Variants in ATG14 observed in about 807,000 individuals in gnomAD.
ATG14 encodes the protein beclin 1-associated autophagy-related key regulator.
In ATG14, 35 loss-of-function variants were observed where a neutral mutation model predicts 60.4. That is an observed-to-expected ratio of 0.58 (90% CI 0.44 to 0.77). ATG14 has a LOEUF of 0.77. Ranked by LOEUF, ATG14 falls within the 30% of genes least tolerant of loss-of-function variation. The pLI is 0.00. For missense variants in ATG14, 647 were observed against 626.3 expected, an observed-to-expected ratio of 1.03 and a Z score of -0.35; for synonymous variants, 234 against 228.8, an observed-to-expected ratio of 1.02 and a Z score of -0.21.
At chr14:55,389,740 G>A (rs574578149) in intron 4 of ATG14, among the ~76,000 whole-genome samples, 1 of 152,182 alleles carries the variant, frequency 6.6e-6, no homozygotes, top group African/African-American at 2.4e-5. Context: ...TGCTCTTGGA[G>A]TTATTTCTAA....
intron 3 of ATG14, among the ~76,000 whole-genome samples, chr14:55,391,567 A>G (rs573614870): frequency 6.6e-6 from 1 of 152,274 alleles, no homozygotes; most frequent in African/African-American, 2.4e-5. Context: ...GTTGAAGGAC[A>G]TTCTCTAAAC....
chr14:55,406,679 T>C (rs1403574377), intron 1 of ATG14, among the ~76,000 whole-genome samples: 1 of 152,204 alleles, frequency 6.6e-6, no homozygotes, highest in Non-Finnish European at 1.5e-5. Flanking sequence ...TTTCACCTTA[T>C]TAGATACTGG....
rs368850028 is a variant in ATG14, at chr14:55,401,814, G to A, written c.222-4380C>T. ...GCTTCAGAGGCAGCCACCCAGGAGC[G>A]CTGCCTGTCCAAGCTGAGACCTGAG... On this transcript the variant is annotated intron_variant, in intron 1 of 9. Transcript: ENST00000247178. Among the ~76,000 whole-genome samples, 19 of 152,274 alleles carry A rather than the reference G, an allele frequency of 1.2e-4. 1 individual carries two copies. The highest frequency in any genetic ancestry group is 3.4e-4 in the African/African-American group (14 of 41,556).
chr14:55,381,667 G>C (rs1882472960), intron 6 of ATG14, among the ~76,000 whole-genome samples: 1 of 152,206 alleles, frequency 6.6e-6, no homozygotes, highest in African/African-American at 2.4e-5. Context: ...TATGTTCTGT[G>C]ATTCCATTTA....
chr14:55,378,967 C>G (rs1884977772), intron 7 of ATG14, among the ~76,000 whole-genome samples: 1 of 152,054 alleles, frequency 6.6e-6, no homozygotes, highest in African/African-American at 2.4e-5. Context: ...CTCAGCTTCC[C>G]AAAGTGCTGG....
intron 7 of ATG14, among the ~76,000 whole-genome samples, chr14:55,378,293 A>G (rs1162958046): frequency 3.3e-5 from 5 of 152,236 alleles, no homozygotes; most frequent in Non-Finnish European, 7.3e-5. Flanking sequence ...TGACCAAGCA[A>G]TTCCACGTCA....
chr14:55,370,046 C>T (rs1041794072), intron 9 of ATG14, 121 bp from the exon 10 acceptor site: 19 of 926,592 alleles, frequency 2.1e-5, no homozygotes, highest in Admixed American at 5.5e-5. Context: ...CCATTCATTC[C>T]CCAAGTCTAT....
chr14:55,370,986 C>T (rs1247318530), intron 9 of ATG14, among the ~76,000 whole-genome samples: 1 of 152,112 alleles, frequency 6.6e-6, no homozygotes, highest in African/African-American at 2.4e-5. Flanking sequence ...CCCCTCAGCT[C>T]CTGCTCCAGG....
At chr14:55,398,971 G>A (rs1309305492) in intron 1 of ATG14, among the ~76,000 whole-genome samples, 1 of 152,158 alleles carries the variant, frequency 6.6e-6, no homozygotes. Context: ...ATGATGTGGT[G>A]TTCAAGAATA....
chr14:55,366,691 C>CTGTT lies in ATG14; in HGVS notation c.*2924_*2927dup, dbSNP rs1254701500. ...TCTTTAACAGACCATTTTAAGCAGCCTGTTTGGTGCCTGTGGGTTTTTATT... is the reference window on the plus strand; with the variant it reads ...TCTTTAACAGACCATTTTAAGCAGCCTGTTTGTTTGGTGCCTGTGGGTTTTTATT... On this transcript the variant is annotated 3_prime_UTR_variant, in exon 10 of 10. Coordinates refer to ENST00000247178, the MANE Select transcript of ATG14 (RefSeq NM_014924.5). The CTGTT allele has an allele frequency of 6.6e-6, 1 of 152,502 alleles. No individual in the cohort carries two copies. Among genetic ancestry groups the CTGTT allele is most frequent in the African/African-American group, 2.4e-5 (1 of 41,436 alleles). 9.4% of individuals were successfully genotyped at this position (152,502 alleles called of 1,614,324 possible). A position where few individuals can be genotyped will look rare whatever the true frequency, so the allele number is the denominator to read the frequency against.
Position 55,407,408 on chromosome 14 carries a change from C to T in ATG14, c.221+4194G>A, listed in dbSNP as rs537551623. Among the ~76,000 whole-genome samples, 6 of 152,288 alleles carry T rather than the reference C, an allele frequency of 3.9e-5. No homozygotes were observed. The East Asian group carries it at 5.8e-4, about 15-fold the overall frequency. ...CCTCCCAAAGTGCTGGGATTACAGG[C>T]GTGAGCCACTGCCCCCGGCCTCATT... On this transcript the variant is annotated intron_variant, in intron 1 of 9. Coordinates refer to ENST00000247178, the MANE Select transcript of ATG14 (RefSeq NM_014924.5).
At position 55,385,960 on chromosome 14, in the gene ATG14, G is replaced by A; in HGVS notation, c.546C>T (p.Asp182=). The change falls in exon 5 of 10, where the codon GAC becomes GAT. Residue 182 remains aspartate, a synonymous_variant. Coordinates refer to ENST00000247178, the MANE Select transcript of ATG14 (RefSeq NM_014924.5). ...LGDLVEKKTI[D]LRSHYERLAN... ...CCAGACGCTCATAATGACTTCTTAA[G>A]TCAATGGTCTTTTTTTCTACCAGGT... 1 of 1,614,166 alleles carries A rather than the reference G, an allele frequency of 6.2e-7. No homozygotes were observed. The highest frequency in any genetic ancestry group is 8.5e-7 in the Non-Finnish European group (1 of 1,180,038).
intron 9 of ATG14, among the ~76,000 whole-genome samples, chr14:55,376,058 G>A (rs996972900): frequency 6.6e-6 from 1 of 152,164 alleles, no homozygotes; most frequent in Non-Finnish European, 1.5e-5. Flanking sequence ...ATCTGTTAAT[G>A]TGATGAAATA....
At chr14:55,400,849 A>G (rs1885385941) in intron 1 of ATG14, among the ~76,000 whole-genome samples, 1 of 152,012 alleles carries the variant, frequency 6.6e-6, no homozygotes. Flanking sequence ...GGTTGCAGTG[A>G]GCTGAGATTA....
Position 55,369,711 on chromosome 14 carries a change from G to C in ATG14, c.1387C>G (p.Pro463Ala). The part of the protein sequence containing the change: ...VSQSQSTQAS[P>A]PIASSSAGGM... ...CCTGCACTGCTGCTCGCGATGGGTGGGGACGCCTGGGTGCTCTGACTCTGG... is the reference window on the plus strand; with the variant it reads ...CCTGCACTGCTGCTCGCGATGGGTGCGGACGCCTGGGTGCTCTGACTCTGG... Residue 463 changes from proline to alanine, a missense_variant, in exon 10 of 10, where the codon CCA becomes GCA. Pro to Ala is a conservative substitution (Grantham distance 27, BLOSUM62 -1). Coordinates refer to ENST00000247178, the MANE Select transcript of ATG14 (RefSeq NM_014924.5). 6.2e-7 allele frequency: 1 copy of C among 1,610,894 alleles called. No homozygotes were observed. Among genetic ancestry groups the C allele is most frequent in the Non-Finnish European group, 8.5e-7 (1 of 1,177,764 alleles).
At chr14:55,396,014 TAAAAA>T in intron 2 of ATG14, 32 bp from the exon 3 acceptor site, 2 of 1,509,760 alleles carry the variant, frequency 1.3e-6, no homozygotes, top group Non-Finnish European at 1.8e-6. Flanking sequence ...AATAAGCTCT[TAAAAA>T]TAATAAAATT....
At chr14:55,379,757 C>A (rs1459119941) in intron 7 of ATG14, among the ~76,000 whole-genome samples, 1 of 152,136 alleles carries the variant, frequency 6.6e-6, no homozygotes, top group Non-Finnish European at 1.5e-5. Context: ...AGTCTCATTC[C>A]GTCACTCAGG....
At chr14:55,394,796 A>C in intron 3 of ATG14, 1 of 238,378 alleles carries the variant, frequency 4.2e-6, no homozygotes, top group Non-Finnish European at 8.3e-6. Flanking sequence ...AGTGCCATTT[A>C]GTATGCCTGG....
intron 4 of ATG14, among the ~76,000 whole-genome samples, chr14:55,390,676 C>G (rs762619165): frequency 6.6e-6 from 1 of 152,000 alleles, no homozygotes; most frequent in Non-Finnish European, 1.5e-5. Context: ...TGGCGCCTAA[C>G]TTTTTTAATT....
Sources: allele counts gnomAD v4.1 joint callset (sites outside exome capture counted in the v4.1 genomes callset), GRCh38; gene constraint gnomAD v4.1.1; transcripts MANE v1.5; gene names NCBI Gene and HGNC (gene_info 2026-07-23, HGNC 2026-07-21).